The following PHACTR1 variants were observed in gnomAD, a reference collection of about 807,000 sequenced individuals.
PHACTR1 encodes the protein phosphatase and actin regulator 1, also known as RPEL repeat containing 1.
In PHACTR1, 16 loss-of-function variants were observed where a neutral mutation model predicts 69.2. The observed-to-expected ratio is 0.23, with a 90% CI of 0.16 to 0.35. The LOEUF is 0.35. Among genes scored for constraint, PHACTR1 ranks in the 10% least tolerant of loss-of-function variants. PHACTR1 has a pLI of 1.00. For synonymous variants in PHACTR1, 312 were observed against 284.5 expected, an observed-to-expected ratio of 1.10 and a Z score of -0.97; for missense variants, 510 against 734.7, an observed-to-expected ratio of 0.69 and a Z score of 3.54.
At chr6:13,069,008 G>A (rs1809095578) in intron 5 of PHACTR1, among the ~76,000 whole-genome samples, 2 of 152,186 alleles carry the variant, frequency 1.3e-5, no homozygotes, top group South Asian at 4.1e-4. Flanking sequence ...AAGCAAAGCA[G>A]GGAGAATATG....
At chr6:13,030,737 A>G (rs1802344202) in intron 4 of PHACTR1, among the ~76,000 whole-genome samples, 1 of 152,258 alleles carries the variant, frequency 6.6e-6, no homozygotes, top group African/African-American at 2.4e-5. Context: ...CACCTTGAGA[A>G]TACTCATTAC....
At chr6:12,840,161 G>A (rs968934678) in intron 4 of PHACTR1, among the ~76,000 whole-genome samples, 4 of 152,134 alleles carry the variant, frequency 2.6e-5, no homozygotes, top group Admixed American at 6.5e-5. Context: ...ACCCCACAGC[G>A]AGTCCTTTGT....
intron 3 of PHACTR1, among the ~76,000 whole-genome samples, chr6:12,737,258 A>G (rs886657744): frequency 6.6e-6 from 1 of 152,106 alleles, no homozygotes; most frequent in Non-Finnish European, 1.5e-5. Flanking sequence ...GCACAATGCT[A>G]TTTGTGTATC....
intron 4 of PHACTR1, among the ~76,000 whole-genome samples, chr6:13,024,374 C>T (rs9395336): frequency 0.74 from 113,280 of 152,090 alleles, 42,961 homozygotes; most frequent in East Asian, 0.88. Flanking sequence ...ATTGTGTTTA[C>T]TTATGTTTGG....
intron 6 of PHACTR1, among the ~76,000 whole-genome samples, chr6:13,161,528 A>G (rs893593050): frequency 9.8e-5 from 14 of 143,050 alleles, no homozygotes; most frequent in Admixed American, 9.2e-4. Flanking sequence ...TTATTAAATC[A>G]CATAATATTC....
intron 4 of PHACTR1, among the ~76,000 whole-genome samples, chr6:13,029,783 G>C (rs1025301363): frequency 2.0e-5 from 3 of 152,240 alleles, no homozygotes; most frequent in Non-Finnish European, 2.9e-5. Context: ...AATGCAGTGA[G>C]AAGCAGTGCA....
rs371950491 is a variant in PHACTR1, at chr6:13,063,649, G to A, written c.415+10120G>A. Among the ~76,000 whole-genome samples the A allele has an allele frequency of 1.2e-4, 18 of 151,976 alleles. No homozygotes were observed. The South Asian group carries it at 2.9e-3, about 25-fold the overall frequency. ...TTAAAAATTAGCTGAGTGTGATGGC[G>A]CATGCCTGTAGTCCCAGCTGCTGGG... On this transcript the variant is annotated intron_variant, in intron 5 of 14. Transcript: ENST00000332995.
intron 4 of PHACTR1, among the ~76,000 whole-genome samples, chr6:12,968,602 A>G (rs1051668865): frequency 1.3e-5 from 2 of 152,234 alleles, no homozygotes; most frequent in Admixed American, 1.3e-4. Context: ...TTCTGTCTGA[A>G]TTAAGGAGTA....
At chr6:12,815,281 C>T (rs1005322762) in intron 4 of PHACTR1, among the ~76,000 whole-genome samples, 5 of 152,036 alleles carry the variant, frequency 3.3e-5, no homozygotes, top group Admixed American at 6.6e-5. Context: ...ATTTCTTTTC[C>T]CTGTATTTCT....
rs1778802643 is a variant in PHACTR1, at chr6:13,275,949, G to A, written c.1448-2319G>A. Reference sequence around the variant, plus strand: ...ATACTAAGATATTAATGGCTGACTAGTTTAATAGGTTTTATCCCACTGAAA... The same window carrying A: ...ATACTAAGATATTAATGGCTGACTAATTTAATAGGTTTTATCCCACTGAAA... On this transcript the variant is annotated intron_variant, in intron 11 of 14. Transcript: ENST00000332995. This position sits in a 1 kb window ranked among gnomAD's most constrained non-coding sequence, Gnocchi z 4.0. 3 of 152,086 alleles carry A rather than the reference G, an allele frequency of 2.0e-5. No homozygotes were observed. Among genetic ancestry groups the A allele is most frequent in the Admixed American group, 1.3e-4 (2 of 15,270 alleles). The allele number at this position is 152,086 out of a possible 1,614,324, so 9.4% of individuals were successfully genotyped here. A position where few individuals can be genotyped will look rare whatever the true frequency, so the allele number is the denominator to read the frequency against.
rs567118369 is a variant in PHACTR1 at position 12,932,050 on chromosome 6, C to T, written c.251-121315C>T. 2.6e-5 allele frequency among the ~76,000 whole-genome samples: 4 copies of T among 152,172 alleles called. No homozygotes were observed. In the South Asian group the frequency reaches 8.3e-4, roughly 32 times the overall value. On this transcript the variant is annotated intron_variant, in intron 4 of 14. Transcript: ENST00000332995. The stretch of plus-strand genomic sequence containing the variant: ...CCCAAGACCTACTGAATCAGAAATG[C>T]TGGAGGTAGGACCCGAAATCTGTGT...
intron 5 of PHACTR1, among the ~76,000 whole-genome samples, chr6:13,140,551 G>GT (rs944180047): frequency 1.3e-5 from 2 of 152,322 alleles, no homozygotes; most frequent in Admixed American, 1.3e-4. Flanking sequence ...GACAAATACT[G>GT]TATGATTCCA....
chr6:13,014,317 G>A (rs546633761), intron 4 of PHACTR1, among the ~76,000 whole-genome samples: 67 of 152,274 alleles, frequency 4.4e-4, no homozygotes, highest in African/African-American at 1.6e-3. Context: ...GCCACCCACA[G>A]CCCAACCCGG....
intron 7 of PHACTR1, among the ~76,000 whole-genome samples, chr6:13,192,013 AC>A (rs1290492193): frequency 1.3e-5 from 2 of 152,198 alleles, no homozygotes; most frequent in Non-Finnish European, 2.9e-5. Context: ...GTAGCAAAAT[AC>A]CTGTCTTTTT....
intron 3 of PHACTR1, among the ~76,000 whole-genome samples, chr6:12,737,137 A>G (rs903002943): frequency 1.3e-5 from 2 of 152,192 alleles, no homozygotes; most frequent in African/African-American, 4.8e-5. Context: ...GTACTTACAC[A>G]AACCTAGATG....
At chr6:13,047,334 T>A (rs1805221324) in intron 4 of PHACTR1, among the ~76,000 whole-genome samples, 1 of 139,362 alleles carries the variant, frequency 7.2e-6, no homozygotes, top group South Asian at 2.2e-4. Context: ...ACTGAGATCA[T>A]GTCACTGCAC....
chr6:13,084,916 T>A (rs1185051360), intron 5 of PHACTR1, among the ~76,000 whole-genome samples: 1 of 152,080 alleles, frequency 6.6e-6, no homozygotes, highest in African/African-American at 2.4e-5. Flanking sequence ...TAAAGAAAAC[T>A]TTATCATTCT....
intron 7 of PHACTR1, among the ~76,000 whole-genome samples, chr6:13,189,985 A>C (rs1027241800): frequency 6.6e-6 from 1 of 150,908 alleles, no homozygotes; most frequent in Non-Finnish European, 1.5e-5. Context: ...GTTCTCACAT[A>C]ACAGGGAGAG....
intron 4 of PHACTR1, among the ~76,000 whole-genome samples, chr6:12,871,331 T>C (rs1782001592): frequency 6.6e-6 from 1 of 152,204 alleles, no homozygotes; most frequent in Non-Finnish European, 1.5e-5. Context: ...CGCTTCCCTG[T>C]GTCCAAATGT....
Sources: allele counts gnomAD v4.1 joint callset (sites outside exome capture counted in the v4.1 genomes callset), GRCh38; gene constraint gnomAD v4.1.1; non-coding constraint Gnocchi (gnomAD v3.1); transcripts MANE v1.5; gene names NCBI Gene and HGNC (gene_info 2026-07-23, HGNC 2026-07-21).